The following MYO10 variants were observed in gnomAD, a reference collection of about 807,000 sequenced individuals.
The protein encoded by MYO10 is unconventional myosin-X.
In MYO10, 133 loss-of-function variants were observed where a neutral mutation model predicts 257.3. The ratio of observed to expected loss-of-function variants is 0.52; its 90% CI spans 0.45 to 0.60. The LOEUF is 0.60. MYO10 is among the 20% of genes least tolerant of loss of function. The probability of loss-of-function intolerance (pLI) is 0.00; values close to 1 mark genes in which losing one functional copy is unlikely to be tolerated. For synonymous variants in MYO10, 1,104 were observed against 1,028.6 expected (o/e 1.07, Z -1.40); for missense variants, 2,399 against 2,635.7 (o/e 0.91, Z 1.97).
At chr5:16,821,856 C>A (rs1406326012) in intron 2 of MYO10, among the ~76,000 whole-genome samples, 2 of 151,064 alleles carry the variant, frequency 1.3e-5, no homozygotes, top group Non-Finnish European at 2.9e-5. Flanking sequence ...CTCAGGACCA[C>A]AGGAAGACAG....
intron 19 of MYO10, among the ~76,000 whole-genome samples, chr5:16,739,602 A>G (rs1364011674): frequency 6.6e-6 from 1 of 152,226 alleles, no homozygotes; most frequent in African/African-American, 2.4e-5. Flanking sequence ...TGCAACAACA[A>G]ATAAACAATC....
At chr5:16,751,315 A>G (rs1404731544) in intron 19 of MYO10, among the ~76,000 whole-genome samples, 2 of 152,218 alleles carry the variant, frequency 1.3e-5, no homozygotes, top group East Asian at 1.9e-4. Flanking sequence ...TTCACAGAAC[A>G]TAATAGGTGG....
At chr5:16,881,203 TTTAG>T (rs2126765210) in intron 1 of MYO10, among the ~76,000 whole-genome samples, 1 of 152,294 alleles carries the variant, frequency 6.6e-6, no homozygotes, top group African/African-American at 2.4e-5. Context: ...AAATTGTCTA[TTTAG>T]TAAGAATGAA....
At chr5:16,875,818 C>T (rs905804983) in intron 2 of MYO10, among the ~76,000 whole-genome samples, 1 of 152,210 alleles carries the variant, frequency 6.6e-6, no homozygotes, top group Admixed American at 6.5e-5. Context: ...AACTTACAAA[C>T]TCAATTCATA....
At chr5:16,674,755 G>A (rs1579797817) in intron 35 of MYO10, 98 bp downstream of exon 35, 2 of 1,379,252 alleles carry the variant, frequency 1.5e-6, no homozygotes, top group East Asian at 2.3e-5. Context: ...TACTAGAGGT[G>A]TCTTCTGTTC....
chr5:16,911,999 C>A (rs773585184), intron 1 of MYO10, among the ~76,000 whole-genome samples: 1 of 151,982 alleles, frequency 6.6e-6, no homozygotes, highest in Non-Finnish European at 1.5e-5. Context: ...CATGCCATTG[C>A]ACTTCAGCCT....
In MYO10 at chr5:16,761,580, T is replaced by C. The variant is rs562416752; in HGVS notation, c.1657-34A>G. 8 of 1,513,188 alleles carry C rather than the reference T, an allele frequency of 5.3e-6. No homozygotes were observed. The East Asian group carries it at 1.4e-4, about 26-fold the overall frequency. The allele number at this position is 1,513,188 out of a possible 1,614,324, so 93.7% of individuals were successfully genotyped here. A position where few individuals can be genotyped will look rare whatever the true frequency, so the allele number is the denominator to read the frequency against. On this transcript the variant is annotated intron_variant, in intron 16 of 40. Transcript: ENST00000513610. ...AATAAATAAGAGAGGAGAAAACTGA[T>C]TGAAAGAATAGTTTCAGGTCATAAG...
chr5:16,749,059 C>T (rs576498987), intron 19 of MYO10, among the ~76,000 whole-genome samples: 7 of 152,294 alleles, frequency 4.6e-5, no homozygotes, highest in African/African-American at 9.6e-5. Context: ...CTCCACTCCA[C>T]GTCTCCAGCT....
intron 2 of MYO10, among the ~76,000 whole-genome samples, chr5:16,846,818 G>A (rs1743647620): frequency 6.6e-6 from 1 of 152,218 alleles, no homozygotes; most frequent in African/African-American, 2.4e-5. Context: ...TGTAAACAGG[G>A]CATTAAAAGT....
At position 16,701,770 on chromosome 5, in the gene MYO10, G is replaced by A. The variant is rs748432878; in HGVS notation, c.2625C>T (p.Thr875=). Residue 875 remains threonine (T), a synonymous_variant, in exon 25 of 41, where the codon ACC becomes ACT. Transcript: ENST00000513610. The surrounding 1 kb of genome is among the most constrained non-coding windows in gnomAD (Gnocchi z 8.1). ...TTTCCTTCTGTTTCTCCAGTTCACGGGTCAGTTCAGCTTCCTTCTGGCTCT... is the reference window on the plus strand; with the variant it reads ...TTTCCTTCTGTTTCTCCAGTTCACGAGTCAGTTCAGCTTCCTTCTGGCTCT... ...LQKSQKEAEL[T]RELEKQKENK... is the part of the protein sequence containing the mutation. 1 of 1,613,774 alleles carries A rather than the reference G, an allele frequency of 6.2e-7. No homozygotes were observed. The highest frequency in any genetic ancestry group is 1.3e-5 in the African/African-American group (1 of 74,908).
intron 1 of MYO10, among the ~76,000 whole-genome samples, chr5:16,898,937 G>GAGTTCGAGA (rs1399284404): frequency 0.27 from 30,287 of 110,640 alleles, 5,577 homozygotes; most frequent in Admixed American, 0.35. Flanking sequence ...CCTGAGCCTG[G>GAGTTCGAGA]CCACCTGGCC....
In MYO10 at chr5:16,727,056, C is replaced by T. The variant is rs562641894; in HGVS notation, c.1930-15811G>A. 7.2e-4 allele frequency among the ~76,000 whole-genome samples: 110 copies of T among 152,290 alleles called. 1 individual carries two copies. The highest frequency in any genetic ancestry group is 2.5e-3 in the African/African-American group (105 of 41,560). ...TTGAGTTGTGCTCTAGAGATAATTA[C>T]ACACCAGATTTCAAAAACTTAGTAT... On this transcript the variant is annotated intron_variant, in intron 19 of 40. Coordinates refer to ENST00000513610, the MANE Select transcript of MYO10 (RefSeq NM_012334.3).
chr5:16,869,639 T>C (rs1744393481), intron 2 of MYO10, among the ~76,000 whole-genome samples: 1 of 151,564 alleles, frequency 6.6e-6, no homozygotes, highest in African/African-American at 2.4e-5. Flanking sequence ...CCAAGGCAGG[T>C]GGATCACCTG....
intron 9 of MYO10, among the ~76,000 whole-genome samples, chr5:16,777,972 C>T (rs979838548): frequency 6.7e-6 from 1 of 149,904 alleles, no homozygotes; most frequent in Non-Finnish European, 1.5e-5. Flanking sequence ...CCTCAGGCTC[C>T]TAAGTAGCTG....
At chr5:16,882,955 A>G (rs898561004) in intron 1 of MYO10, among the ~76,000 whole-genome samples, 37 of 142,296 alleles carry the variant, frequency 2.6e-4, no homozygotes, top group African/African-American at 8.0e-4. Context: ...TCACTCTGTC[A>G]CCCAGGCTGG....
chr5:16,734,665 C>T (rs1177129205), intron 19 of MYO10, among the ~76,000 whole-genome samples: 5 of 152,104 alleles, frequency 3.3e-5, no homozygotes, highest in Non-Finnish European at 5.9e-5. Context: ...ATTAGCCGGA[C>T]GTGGTGGCGC....
chr5:16,780,591 T>C lies in MYO10; in HGVS notation c.759A>G (p.Gln253=), dbSNP rs1428726053. ...YLLEKNRVVR[Q]NPGERNYHIF... is the part of the protein sequence containing the mutation. ...TGTGATAATTCCTTTCCCCGGGATTTTGCCTTACTACTCGGTTCTGGGAAG... is the reference window on the plus strand; with the variant it reads ...TGTGATAATTCCTTTCCCCGGGATTCTGCCTTACTACTCGGTTCTGGGAAG... The change falls in exon 8 of 41, where the codon CAA becomes CAG. Residue 253 remains glutamine, a synonymous_variant. Transcript: ENST00000513610. 1 of 1,579,318 alleles carries C rather than the reference T, an allele frequency of 6.3e-7. No individual in the cohort carries two copies. Among genetic ancestry groups the C allele is most frequent in the East Asian group, 2.3e-5 (1 of 44,012 alleles).
chr5:16,875,610 C>T (rs897502707), intron 2 of MYO10, among the ~76,000 whole-genome samples: 1 of 152,162 alleles, frequency 6.6e-6, no homozygotes, highest in African/African-American at 2.4e-5. Context: ...TATCTATATA[C>T]TGAAAATCCA....
At position 16,717,965 on chromosome 5, in the gene MYO10, C is replaced by T. The variant is rs543768771; in HGVS notation, c.1930-6720G>A. On this transcript the variant is annotated intron_variant, in intron 19 of 40. Transcript: ENST00000513610. ...GGAGGTGTGGAGGGAGAGGCACGAG[C>T]GGGAACCGGGGCTGCGTGCAGCGCT... 2.6e-5 allele frequency among the ~76,000 whole-genome samples: 4 copies of T among 152,294 alleles called. No individual in the cohort carries two copies. The South Asian group carries it at 8.3e-4, about 32-fold the overall frequency.
Sources: gnomAD v4.1 joint callset for allele counts (sites outside exome capture counted in the v4.1 genomes callset) on GRCh38, gnomAD v4.1.1 for gene constraint, Gnocchi (gnomAD v3.1) non-coding constraint, MANE v1.5 for transcripts, NCBI Gene and HGNC (gene_info 2026-07-23, HGNC 2026-07-21) for gene names.